Variants in CEP128 observed in about 807,000 individuals in gnomAD.
CEP128 encodes centrosomal protein 128.
In CEP128, 132 loss-of-function variants were observed where a neutral mutation model predicts 156.7. That is an observed-to-expected ratio of 0.84 (90% CI 0.73 to 0.97). The LOEUF (loss-of-function observed/expected upper bound fraction) is 0.97, where lower values mean the gene tolerates loss of function less well. Ranked by LOEUF, CEP128 falls within the 50% of genes least tolerant of loss-of-function variation. The pLI, the probability that CEP128 is intolerant of heterozygous loss-of-function variation, is 0.00. For synonymous variants in CEP128, 469 were observed against 448.9 expected, an observed-to-expected ratio of 1.04 and a Z score of -0.57; for missense variants, 1,252 against 1,281.9, an observed-to-expected ratio of 0.98 and a Z score of 0.36.
intron 8 of CEP128, among the ~76,000 whole-genome samples, chr14:80,886,396 T>G (rs974839464): frequency 6.6e-6 from 1 of 152,130 alleles, no homozygotes; most frequent in Non-Finnish European, 1.5e-5. Flanking sequence ...TCAAGTTACC[T>G]GCAAAGGGAA....
At chr14:80,954,277 A>G (rs1312402827) in intron 2 of CEP128, among the ~76,000 whole-genome samples, 1 of 152,104 alleles carries the variant, frequency 6.6e-6, no homozygotes, top group African/African-American at 2.4e-5. Flanking sequence ...TTCAAAAGAA[A>G]AAAAAAAAGA....
chr14:80,850,963 A>G (rs931152687), intron 9 of CEP128, among the ~76,000 whole-genome samples: 29 of 152,196 alleles, frequency 1.9e-4, no homozygotes, highest in African/African-American at 7.0e-4. Context: ...AATTTTGAAT[A>G]TATCATTGTA....
chr14:80,544,647 A>T (rs1271655566), intron 21 of CEP128, among the ~76,000 whole-genome samples: 1 of 152,216 alleles, frequency 6.6e-6, no homozygotes. Context: ...AATATAATTT[A>T]AAAAATGAAG....
chr14:80,926,577 G>A (rs1326686406), intron 2 of CEP128, among the ~76,000 whole-genome samples: 1 of 152,160 alleles, frequency 6.6e-6, no homozygotes, highest in East Asian at 1.9e-4. Context: ...TACTCTGGTA[G>A]CCTAACACAA....
intron 16 of CEP128, among the ~76,000 whole-genome samples, chr14:80,763,074 T>C (rs1190471261): frequency 6.6e-6 from 1 of 152,134 alleles, no homozygotes; most frequent in Non-Finnish European, 1.5e-5. Flanking sequence ...TATAGACAGA[T>C]CTAGATGGGA....
intron 19 of CEP128, among the ~76,000 whole-genome samples, chr14:80,740,551 CAGAT>C (rs60045247): frequency 1.4e-5 from 2 of 139,946 alleles, no homozygotes; most frequent in African/African-American, 5.3e-5. Flanking sequence ...GATAGACAGA[CAGAT>C]AGATAGAAAT....
chr14:80,576,392 G>A (rs545151462), intron 20 of CEP128, among the ~76,000 whole-genome samples: 48 of 152,216 alleles, frequency 3.2e-4, no homozygotes, highest in Non-Finnish European at 5.9e-4. Context: ...AGCACACAAT[G>A]CAACTGCAAA....
intron 16 of CEP128, among the ~76,000 whole-genome samples, chr14:80,764,402 G>C (rs1900131114): frequency 1.3e-5 from 2 of 152,032 alleles, no homozygotes; most frequent in South Asian, 4.2e-4. Context: ...GGGAGGCTGA[G>C]GCAGGAGAAT....
intron 19 of CEP128, among the ~76,000 whole-genome samples, chr14:80,620,760 G>A (rs564805079): frequency 5.3e-5 from 8 of 152,278 alleles, no homozygotes; most frequent in African/African-American, 1.7e-4. Context: ...TAATATCTGA[G>A]GGTAGAAATA....
intron 19 of CEP128, among the ~76,000 whole-genome samples, chr14:80,688,242 G>A (rs548194110): frequency 6.6e-6 from 1 of 152,070 alleles, no homozygotes; most frequent in African/African-American, 2.4e-5. Context: ...AATGTTCCCA[G>A]ATGATAGTAA....
At chr14:80,835,511 A>G (rs1258223017) in intron 12 of CEP128, among the ~76,000 whole-genome samples, 2 of 152,206 alleles carry the variant, frequency 1.3e-5, no homozygotes, top group African/African-American at 4.8e-5. Context: ...TGAGCATTTG[A>G]GTAGGAAGCC....
At chr14:80,483,535 A>C (rs549234374) in intron 14 of CEP128, among the ~76,000 whole-genome samples, 1 of 152,346 alleles carries the variant, frequency 6.6e-6, no homozygotes, top group Admixed American at 6.5e-5. Context: ...CGGCGATGTG[A>C]ATTTAAATGA....
At chr14:80,914,554 C>T (rs1183593493) in intron 3 of CEP128, 146 bp from the exon 4 acceptor site, 1 of 591,054 alleles carries the variant, frequency 1.7e-6, no homozygotes, top group Non-Finnish European at 3.0e-6. Context: ...GTACTTCACA[C>T]ATATTAAGTA....
intron 19 of CEP128, among the ~76,000 whole-genome samples, chr14:80,673,673 GTA>G (rs1895946308): frequency 1.5e-5 from 1 of 65,136 alleles, no homozygotes; most frequent in East Asian, 7.6e-4. Context: ...AAAAAAAAAT[GTA>G]CTAAAGCAAA....
At chr14:80,627,458 C>A (rs981676539) in intron 19 of CEP128, among the ~76,000 whole-genome samples, 1 of 152,160 alleles carries the variant, frequency 6.6e-6, no homozygotes, top group Non-Finnish European at 1.5e-5. Flanking sequence ...ATGTACAGTA[C>A]CTCATTACTA....
downstream of CEP128, among the ~76,000 whole-genome samples, chr14:80,493,860 G>T (rs373211854): frequency 2.6e-5 from 4 of 152,244 alleles, no homozygotes; most frequent in Non-Finnish European, 5.9e-5. Flanking sequence ...AGGGCCAGAT[G>T]AGGTTAGAAC....
chr14:80,802,678 TA>T (rs1184927548), intron 13 of CEP128, among the ~76,000 whole-genome samples: 3 of 148,800 alleles, frequency 2.0e-5, no homozygotes, highest in Non-Finnish European at 4.5e-5. Context: ...TTAGAAGAAA[TA>T]AAGAAAAAAA....
rs78873456 is a variant in CEP128 at position 80,547,380 on chromosome 14, C to G, written c.2880+11899G>C. Among the ~76,000 whole-genome samples the G allele has an allele frequency of 3.0e-3, 453 of 152,312 alleles. 5 individuals are homozygous for G. The highest frequency in any genetic ancestry group is 0.01 in the African/African-American group (429 of 41,570). On this transcript the variant is annotated intron_variant, in intron 21 of 24. Transcript: ENST00000555265. ...CTAAATACTTGCAAAGCGTTCTTTA[C>G]GCATATCTTCATTACTCTCACCAGT... is the stretch of plus-strand genomic sequence containing the variant.
At chr14:80,948,072 G>A (rs1886384029) in intron 2 of CEP128, among the ~76,000 whole-genome samples, 2 of 111,050 alleles carry the variant, frequency 1.8e-5, no homozygotes, top group Non-Finnish European at 3.6e-5. Context: ...TTATAGGTAA[G>A]TAAAAGGGAA....
Sources: gnomAD v4.1 joint callset for allele counts (sites outside exome capture counted in the v4.1 genomes callset) on GRCh38, gnomAD v4.1.1 for gene constraint, MANE v1.5 for transcripts, NCBI Gene and HGNC (gene_info 2026-07-23, HGNC 2026-07-21) for gene names.